Variants in CNTN1 observed in about 807,000 individuals in gnomAD.
The protein encoded by CNTN1 is contactin-1.
A neutral mutation model predicts 126.4 loss-of-function variants in CNTN1; 38 were observed. That is an observed-to-expected ratio of 0.30 (90% confidence interval 0.23 to 0.39). The LOEUF (loss-of-function observed/expected upper bound fraction) is 0.39, where lower values mean the gene tolerates loss of function less well. Among genes scored for constraint, CNTN1 ranks in the 10% least tolerant of loss-of-function variants. The pLI, the probability that CNTN1 is intolerant of heterozygous loss-of-function variation, is 1.00. For synonymous variants in CNTN1, 413 were observed against 422.6 expected, an observed-to-expected ratio of 0.98 and a Z score of 0.28; for missense variants, 1,009 against 1,248.4, an observed-to-expected ratio of 0.81 and a Z score of 2.89.
chr12:41,042,079 T>C (rs1949428407), intron 23 of CNTN1, among the ~76,000 whole-genome samples: 1 of 152,186 alleles, frequency 6.6e-6, no homozygotes, highest in South Asian at 2.1e-4. Context: ...CCCTACACAC[T>C]GCTTTGAATG....
rs145465497 is a variant in CNTN1 at position 40,822,435 on chromosome 12, T to G, written c.-76-85922T>G. ...CTCCCAAAGTGCTGGGAAAAAATAT[T>G]ATTATACTATCTTGCTTGTTTTTAC... is the stretch of plus-strand genomic sequence containing the variant. On this transcript the variant is annotated intron_variant, in intron 1 of 23. Transcript: ENST00000551295. Among the ~76,000 whole-genome samples the G allele has an allele frequency of 3.8e-3, 573 of 152,090 alleles. 5 individuals are homozygous for G. Among genetic ancestry groups the G allele is most frequent in the African/African-American group, 0.013 (549 of 41,490 alleles).
At chr12:40,928,433 A>G (rs1945767855) in intron 6 of CNTN1, among the ~76,000 whole-genome samples, 1 of 152,098 alleles carries the variant, frequency 6.6e-6, no homozygotes. Flanking sequence ...ACCCTAAATC[A>G]GCAAGAAGAA....
intron 1 of CNTN1, among the ~76,000 whole-genome samples, chr12:40,783,766 A>G (rs1939895728): frequency 6.6e-6 from 1 of 152,298 alleles, no homozygotes; most frequent in East Asian, 1.9e-4. Flanking sequence ...AACTCTTCTT[A>G]TGCTAGAAAT....
chr12:40,723,802 A>G (rs540647634), intron 1 of CNTN1, among the ~76,000 whole-genome samples: 1 of 152,318 alleles, frequency 6.6e-6, no homozygotes, highest in South Asian at 2.1e-4. Context: ...GGAACTACTG[A>G]TGTGACCAAG....
intron 2 of CNTN1, among the ~76,000 whole-genome samples, chr12:40,909,295 A>T (rs1944944895): frequency 6.6e-6 from 1 of 152,194 alleles, no homozygotes; most frequent in Middle Eastern, 3.4e-3. Context: ...AGCACATCAT[A>T]TCTTTATCTG....
At chr12:41,060,763 C>T (rs7959925) in intron 23 of CNTN1, among the ~76,000 whole-genome samples, 1 of 152,040 alleles carries the variant, frequency 6.6e-6, no homozygotes, top group African/African-American at 2.4e-5. Flanking sequence ...AAAACAAACC[C>T]ATGAAACCCA....
At chr12:40,865,534 G>A (rs1283184379) in intron 1 of CNTN1, among the ~76,000 whole-genome samples, 3 of 151,920 alleles carry the variant, frequency 2.0e-5, no homozygotes, top group Non-Finnish European at 4.4e-5. Flanking sequence ...GTGTGAAGTA[G>A]GGGTCCAAAC....
intron 1 of CNTN1, among the ~76,000 whole-genome samples, chr12:40,780,445 C>T (rs1939748182): frequency 6.6e-6 from 1 of 151,858 alleles, no homozygotes; most frequent in African/African-American, 2.4e-5. Context: ...TGGGCAGCTA[C>T]AATATGGTTT....
chr12:40,957,797 G>A (rs1946945201), intron 14 of CNTN1, among the ~76,000 whole-genome samples: 1 of 151,920 alleles, frequency 6.6e-6, no homozygotes, highest in Admixed American at 6.6e-5. Flanking sequence ...CCACTGATCA[G>A]TTCTTTATAT....
intron 1 of CNTN1, among the ~76,000 whole-genome samples, chr12:40,757,744 G>A (rs980938762): frequency 6.6e-6 from 1 of 152,070 alleles, no homozygotes; most frequent in Admixed American, 6.6e-5. Flanking sequence ...ACCAGGGTGA[G>A]CATGAATTGA....
At chr12:40,829,508 A>T (rs1228980293) in intron 1 of CNTN1, among the ~76,000 whole-genome samples, 2 of 152,074 alleles carry the variant, frequency 1.3e-5, no homozygotes, top group Admixed American at 6.6e-5. Flanking sequence ...TATTTTTTTT[A>T]AAAAGAAAGA....
intron 17 of CNTN1, among the ~76,000 whole-genome samples, chr12:40,997,406 G>T (rs1375285504): frequency 1.3e-5 from 2 of 152,286 alleles, no homozygotes; most frequent in East Asian, 3.9e-4. Context: ...TTGATTTCAT[G>T]CCTAATGAAG....
intron 1 of CNTN1, among the ~76,000 whole-genome samples, chr12:40,799,686 A>G (rs1307406440): frequency 6.6e-6 from 1 of 152,038 alleles, no homozygotes; most frequent in Non-Finnish European, 1.5e-5. Context: ...GATGTGTACA[A>G]TACAGAAGCA....
intron 1 of CNTN1, among the ~76,000 whole-genome samples, chr12:40,706,980 C>G (rs1461944263): frequency 6.6e-6 from 1 of 151,774 alleles, no homozygotes. Context: ...TTTGATCAAC[C>G]TAGATGGAGT....
At chr12:40,959,856 C>T (rs1947045075) in intron 15 of CNTN1, among the ~76,000 whole-genome samples, 1 of 152,096 alleles carries the variant, frequency 6.6e-6, no homozygotes, top group Admixed American at 6.6e-5. Context: ...GCTGGCTCTT[C>T]ACTGACTGCC....
At chr12:40,780,323 A>G (rs568461408) in intron 1 of CNTN1, among the ~76,000 whole-genome samples, 41 of 151,996 alleles carry the variant, frequency 2.7e-4, no homozygotes, top group African/African-American at 9.4e-4. Context: ...GGGAAAAGGA[A>G]TAAGGAATTA....
intron 2 of CNTN1, among the ~76,000 whole-genome samples, chr12:40,908,745 G>T (rs550090692): frequency 6.6e-6 from 1 of 152,232 alleles, no homozygotes; most frequent in African/African-American, 2.4e-5. Context: ...GATCCCTGGA[G>T]TGTAGCATTT....
intron 12 of CNTN1, among the ~76,000 whole-genome samples, chr12:40,940,108 G>GA (rs1946215665): frequency 6.6e-6 from 1 of 152,090 alleles, no homozygotes; most frequent in African/African-American, 2.4e-5. Context: ...GTAATATTGA[G>GA]TGCAAAAATT....
At chr12:40,927,206 T>C (rs11179081) in intron 6 of CNTN1, among the ~76,000 whole-genome samples, 1 of 151,938 alleles carries the variant, frequency 6.6e-6, no homozygotes, top group Non-Finnish European at 1.5e-5. Context: ...AATAATTTTA[T>C]GGTTATTTAT....
Sources: allele counts gnomAD v4.1 joint callset (sites outside exome capture counted in the v4.1 genomes callset), GRCh38; gene constraint gnomAD v4.1.1; transcripts MANE v1.5; gene names NCBI Gene and HGNC (gene_info 2026-07-23, HGNC 2026-07-21).